The following RGS6 variants were observed in gnomAD, a reference collection of about 807,000 sequenced individuals.
RGS6 encodes the protein regulator of G-protein signaling 6.
Under a neutral mutation model 78.5 loss-of-function variants are expected in RGS6, and 30 were observed. The ratio of observed to expected loss-of-function variants is 0.38; its 90% CI spans 0.29 to 0.52. The LOEUF is 0.52. Among genes scored for constraint, RGS6 ranks in the 20% least tolerant of loss-of-function variants. RGS6 has a pLI of 0.85. For synonymous variants in RGS6, 206 were observed against 206.0 expected (o/e 1.00, Z 0.00); for missense variants, 495 against 609.7 (o/e 0.81, Z 1.98).
intron 2 of RGS6, among the ~76,000 whole-genome samples, chr14:72,133,742 T>C (rs2096378791): frequency 6.6e-6 from 1 of 152,094 alleles, no homozygotes; most frequent in Non-Finnish European, 1.5e-5. Flanking sequence ...GCCTGGCTGC[T>C]CTGCTTTCTC....
chr14:72,111,854 G>A (rs2095771293), intron 2 of RGS6, among the ~76,000 whole-genome samples: 1 of 152,136 alleles, frequency 6.6e-6, no homozygotes, highest in African/African-American at 2.4e-5. Flanking sequence ...CATTAAGGTG[G>A]GCAGATCTGC....
At chr14:71,956,396 CAG>C (rs2092795999) in intron 1 of RGS6, among the ~76,000 whole-genome samples, 1 of 150,314 alleles carries the variant, frequency 6.7e-6, no homozygotes, top group South Asian at 2.1e-4. Context: ...ATATATATAA[CAG>C]TGTGTGTGTG....
intron 2 of RGS6, among the ~76,000 whole-genome samples, chr14:72,079,373 T>C (rs965539433): frequency 3.9e-5 from 6 of 152,210 alleles, no homozygotes; most frequent in African/African-American, 1.4e-4. Flanking sequence ...TATAAAGATA[T>C]TGCTCAGCAC....
intron 2 of RGS6, among the ~76,000 whole-genome samples, chr14:72,276,868 GA>G (rs373181749): frequency 4.6e-4 from 66 of 143,576 alleles, no homozygotes; most frequent in South Asian, 1.3e-3. Context: ...ATACAATATT[GA>G]AAAAAAAAAA....
chr14:72,422,138 A>C (rs2094216380), intron 3 of RGS6, among the ~76,000 whole-genome samples: 1 of 152,120 alleles, frequency 6.6e-6, no homozygotes, highest in African/African-American at 2.4e-5. Flanking sequence ...GTAAGACATG[A>C]CTTGCACCTC....
At chr14:72,295,989 A>G (rs1427110793) in intron 2 of RGS6, among the ~76,000 whole-genome samples, 1 of 152,218 alleles carries the variant, frequency 6.6e-6, no homozygotes, top group Non-Finnish European at 1.5e-5. Context: ...CATTTCCATC[A>G]TGCGGGAAAG....
intron 2 of RGS6, among the ~76,000 whole-genome samples, chr14:72,205,331 T>C (rs1197242256): frequency 6.6e-6 from 1 of 152,226 alleles, no homozygotes; most frequent in Non-Finnish European, 1.5e-5. Flanking sequence ...TCTTTCCTGG[T>C]GAGCTGTCCT....
chr14:72,628,085 T>C, the RGS6 span, among the ~76,000 whole-genome samples: 1 of 152,100 alleles, frequency 6.6e-6, no homozygotes, highest in African/African-American at 2.4e-5. Context: ...TGTTATCCAT[T>C]CTTACATCTC....
At chr14:72,339,745 G>A (rs1159094898) in intron 2 of RGS6, among the ~76,000 whole-genome samples, 2 of 152,180 alleles carry the variant, frequency 1.3e-5, no homozygotes, top group Non-Finnish European at 2.9e-5. Context: ...AAGCAGCAGA[G>A]CCTGAGCTGG....
rs2095833739 is a variant in RGS6, at chr14:72,114,036, A to G, written c.84+149161A>G. The stretch of plus-strand genomic sequence containing the variant: ...AATGGCTGTTGTATTGTAAAAGACA[A>G]AGGACTTCTACCCAGAGATAATCAG... On this transcript the variant is annotated intron_variant, in intron 2 of 17. Coordinates refer to ENST00000553525, the MANE Select transcript of RGS6 (RefSeq NM_001204424.2). 2.6e-5 allele frequency among the ~76,000 whole-genome samples: 4 copies of G among 152,316 alleles called. No homozygotes were observed. The South Asian group carries it at 8.3e-4, about 32-fold the overall frequency.
chr14:71,983,474 C>T (rs2094551625), intron 2 of RGS6, among the ~76,000 whole-genome samples: 1 of 152,198 alleles, frequency 6.6e-6, no homozygotes, highest in African/African-American at 2.4e-5. Context: ...TATATTCTGT[C>T]ACAGTTCAGG....
chr14:71,945,824 C>G (rs2091429744), intron 1 of RGS6, among the ~76,000 whole-genome samples: 2 of 152,020 alleles, frequency 1.3e-5, no homozygotes, highest in Admixed American at 1.3e-4. Flanking sequence ...AATTATTAAC[C>G]AATTTCAATT....
chr14:72,053,614 C>T (rs757066336), intron 2 of RGS6, among the ~76,000 whole-genome samples: 2 of 152,168 alleles, frequency 1.3e-5, no homozygotes, highest in African/African-American at 2.4e-5. Flanking sequence ...TGAAAACCAC[C>T]GCTAAGGGCT....
chr14:72,510,649 AGTCTGGG>A (rs1488881396), intron 14 of RGS6, among the ~76,000 whole-genome samples: 1 of 152,232 alleles, frequency 6.6e-6, no homozygotes, highest in Non-Finnish European at 1.5e-5. Context: ...AAAACTTCCC[AGTCTGGG>A]GTCCTGAATA....
intron 3 of RGS6, among the ~76,000 whole-genome samples, chr14:72,442,022 G>T (rs949787194): frequency 6.6e-6 from 1 of 152,198 alleles, no homozygotes; most frequent in Non-Finnish European, 1.5e-5. Flanking sequence ...CTGGAATGGA[G>T]GGAAATGTTT....
Position 72,313,497 on chromosome 14 carries a change from G to T in RGS6, c.85-38598G>T, listed in dbSNP as rs527304405. ...CTTGATAGCCTTAAATCCCTGGGAG[G>T]GGGGGCTTGCATTTACTCTTACACT... is the stretch of plus-strand genomic sequence containing the variant. On this transcript the variant is annotated intron_variant, in intron 2 of 17. Coordinates refer to ENST00000553525, the MANE Select transcript of RGS6 (RefSeq NM_001204424.2). Among the ~76,000 whole-genome samples the T allele has an allele frequency of 3.9e-5, 6 of 152,258 alleles. 1 individual carries two copies. In the South Asian group the frequency reaches 6.2e-4, roughly 16 times the overall value.
intron 2 of RGS6, among the ~76,000 whole-genome samples, chr14:72,174,497 G>A (rs964522276): frequency 1.3e-5 from 2 of 152,172 alleles, no homozygotes; most frequent in African/African-American, 4.8e-5. Flanking sequence ...GAGTAAGCTT[G>A]ACAAGAGGGT....
At chr14:72,163,869 T>A in intron 2 of RGS6, among the ~76,000 whole-genome samples, 1 of 131,004 alleles carries the variant, frequency 7.6e-6, no homozygotes. Context: ...GGCAACAGAG[T>A]GAGACTCCAT....
chr14:72,516,913 G>A lies in RGS6; in HGVS notation c.1092-1438G>A, dbSNP rs1330846483. ...CTTGGCTCTGCAGGGTCGCTGAGAG[G>A]TTCCTTTAAGGAGATCATCAGAATC... On this transcript the variant is annotated intron_variant, in intron 14 of 17. Coordinates refer to ENST00000553525, the MANE Select transcript of RGS6 (RefSeq NM_001204424.2). The A allele has an allele frequency of 3.3e-5, 5 of 152,266 alleles. No homozygotes were observed. The East Asian group carries it at 9.6e-4, about 29-fold the overall frequency. 9.4% of individuals were successfully genotyped at this position (152,266 alleles called of 1,614,324 possible). A position where few individuals can be genotyped will look rare whatever the true frequency, so the allele number is the denominator to read the frequency against.
Sources: gnomAD v4.1 joint callset for allele counts (sites outside exome capture counted in the v4.1 genomes callset) on GRCh38, gnomAD v4.1.1 for gene constraint, MANE v1.5 for transcripts, NCBI Gene and HGNC (gene_info 2026-07-23, HGNC 2026-07-21) for gene names.